Variants in NCAM1 observed in about 807,000 individuals in gnomAD.
NCAM1 encodes antigen recognized by monoclonal antibody 5.1H11.
NCAM1 carries 14 observed loss-of-function variants against 109.8 expected under a neutral mutation model. The observed-to-expected ratio is 0.13, with a 90% CI of 0.08 to 0.20. NCAM1 has a LOEUF of 0.20. Among genes scored for constraint, NCAM1 ranks in the 10% least tolerant of loss-of-function variants. NCAM1 has a pLI of 1.00. For missense variants in NCAM1, 774 were observed against 1,109.9 expected, an observed-to-expected ratio of 0.70 and a Z score of 4.30; for synonymous variants, 418 against 442.9, an observed-to-expected ratio of 0.94 and a Z score of 0.70.
intron 1 of NCAM1, among the ~76,000 whole-genome samples, chr11:113,090,039 T>C (rs1714767822): frequency 6.6e-6 from 1 of 152,246 alleles, no homozygotes; most frequent in Admixed American, 6.5e-5. Context: ...TTGTAGGATT[T>C]TGTGTGCATT....
At chr11:113,085,511 T>C (rs1231285353) in intron 1 of NCAM1, among the ~76,000 whole-genome samples, 3 of 151,620 alleles carry the variant, frequency 2.0e-5, no homozygotes, top group African/African-American at 7.2e-5. Context: ...ACTTTTCTCC[T>C]TATTTTTTCT....
At chr11:113,176,942 G>A (rs951708366) in intron 1 of NCAM1, among the ~76,000 whole-genome samples, 3 of 152,122 alleles carry the variant, frequency 2.0e-5, no homozygotes, top group African/African-American at 4.8e-5. Flanking sequence ...CATGCAGAAG[G>A]GCATATGAGA....
chr11:113,092,984 A>G (rs1939422083), intron 1 of NCAM1, among the ~76,000 whole-genome samples: 1 of 152,238 alleles, frequency 6.6e-6, no homozygotes, highest in South Asian at 2.1e-4. Flanking sequence ...AACTTGCAGA[A>G]AACAATTATG....
chr11:113,081,576 C>T (rs1938821438), intron 1 of NCAM1, among the ~76,000 whole-genome samples: 1 of 152,086 alleles, frequency 6.6e-6, no homozygotes, highest in Admixed American at 6.6e-5. Flanking sequence ...CTCTTGTCAC[C>T]CAGGCTGGAG....
At chr11:113,098,054 T>C (rs1015252745) in intron 1 of NCAM1, among the ~76,000 whole-genome samples, 2 of 152,218 alleles carry the variant, frequency 1.3e-5, no homozygotes, top group Non-Finnish European at 2.9e-5. Context: ...TGCATTGTCA[T>C]AAAATTCATG....
Position 113,075,442 on chromosome 11 carries a change from C to T in NCAM1, c.52+113778C>T, listed in dbSNP as rs541676252. Among the ~76,000 whole-genome samples the T allele has an allele frequency of 2.0e-5, 3 of 152,286 alleles. No individual in the cohort carries two copies. The South Asian group carries it at 6.2e-4, about 32-fold the overall frequency. On this transcript the variant is annotated intron_variant, in intron 1 of 19. Transcript: ENST00000316851. Reference sequence around the variant, plus strand: ...TTAGCATAAGGAAAGCTGCATATGGCATCTGGAAATGGTGTTTCTGTATCG... The same window carrying T: ...TTAGCATAAGGAAAGCTGCATATGGTATCTGGAAATGGTGTTTCTGTATCG...
chr11:113,196,006 T>C (rs948995407), intron 1 of NCAM1, among the ~76,000 whole-genome samples: 1 of 152,082 alleles, frequency 6.6e-6, no homozygotes, highest in African/African-American at 2.4e-5. Context: ...TTTGGTACTT[T>C]ATGTACATTA....
chr11:113,260,322 A>C lies in NCAM1; in HGVS notation c.2130A>C (p.Pro710=). ...CCTCGGCCCAGCCCACAGCCATCCC[A>C]GGTATGGCTGCCTCTGCTTTCTGTT... The part of the protein sequence containing the change: ...FRTSAQPTAI[P]ANGSPTSGLS... Residue 710 remains proline (P), a splice_region_variant and synonymous_variant, in exon 17 of 20, where the codon CCA becomes CCC. Transcript: ENST00000316851. 2 of 1,610,098 alleles carry C rather than the reference A, an allele frequency of 1.2e-6. No individual in the cohort carries two copies. The highest frequency in any genetic ancestry group is 2.2e-5 in the South Asian group (2 of 90,288).
At chr11:113,265,575 A>G (rs1363034435) in intron 17 of NCAM1, among the ~76,000 whole-genome samples, 1 of 152,204 alleles carries the variant, frequency 6.6e-6, no homozygotes, top group Non-Finnish European at 1.5e-5. Flanking sequence ...GAGCTTGTGG[A>G]GAGGGAATCT....
chr11:113,062,105 T>C (rs1300321781), intron 1 of NCAM1, among the ~76,000 whole-genome samples: 5 of 152,344 alleles, frequency 3.3e-5, no homozygotes, highest in South Asian at 4.1e-4. Context: ...TGGTTTTCTA[T>C]TGTGGTAAAA....
At chr11:113,222,772 G>A (rs1309874375) in intron 9 of NCAM1, among the ~76,000 whole-genome samples, 3 of 152,182 alleles carry the variant, frequency 2.0e-5, no homozygotes, top group Admixed American at 6.5e-5. Context: ...AATTATTATT[G>A]TAAGTGGAAG....
chr11:113,215,862 T>C (rs534661152), intron 8 of NCAM1, among the ~76,000 whole-genome samples: 29 of 152,368 alleles, frequency 1.9e-4, no homozygotes, highest in African/African-American at 7.0e-4. Context: ...ATGTGTGTTA[T>C]GTGGATTTAA....
At chr11:113,097,575 T>A (rs1555090669) in intron 1 of NCAM1, among the ~76,000 whole-genome samples, 1 of 150,588 alleles carries the variant, frequency 6.6e-6, no homozygotes, top group East Asian at 2.0e-4. Flanking sequence ...GTTAAATAGA[T>A]CAGTTGAAAT....
chr11:113,189,174 G>A (rs560493289), intron 1 of NCAM1, among the ~76,000 whole-genome samples: 178 of 152,096 alleles, frequency 1.2e-3, no homozygotes, highest in South Asian at 9.8e-3. Context: ...AGCCTCGGCC[G>A]GGCACGGTGG....
intron 1 of NCAM1, among the ~76,000 whole-genome samples, chr11:113,049,732 C>T (rs1433611492): frequency 6.6e-6 from 1 of 152,120 alleles, no homozygotes; most frequent in East Asian, 1.9e-4. Context: ...CAGAAGGCCC[C>T]CCAACCTTGT....
intron 1 of NCAM1, among the ~76,000 whole-genome samples, chr11:113,187,162 C>T (rs147701361): frequency 2.4e-3 from 372 of 152,286 alleles, no homozygotes; most frequent in Middle Eastern, 0.01. Context: ...AAGCCAAATT[C>T]GTGTTTGACT....
rs543218125 is a variant in NCAM1 at position 113,044,964 on chromosome 11, A to C, written c.52+83300A>C. Among the ~76,000 whole-genome samples, 35 of 152,046 alleles carry C rather than the reference A, an allele frequency of 2.3e-4. 1 individual carries two copies. The highest frequency in any genetic ancestry group is 2.9e-4 in the African/African-American group (12 of 41,514). On this transcript the variant is annotated intron_variant, in intron 1 of 19. Transcript: ENST00000316851. ...AGAGACGGGGTTTCACCGTGTTAGC[A>C]AGGATGGTCTTGATCTTCTGACCTC...
rs1555120235 is a variant in NCAM1 at position 113,246,382 on chromosome 11, T to C, written c.1828+12T>C. 1.4e-6 allele frequency: 1 copy of C among 740,282 alleles called. No homozygotes were observed. Among genetic ancestry groups the C allele is most frequent in the Non-Finnish European group, 2.5e-6 (1 of 404,628 alleles). The allele number at this position is 740,282 out of a possible 1,614,324, so 45.9% of individuals were successfully genotyped here. On this transcript the variant is annotated intron_variant, in intron 15 of 19. Transcript: ENST00000316851. The stretch of plus-strand genomic sequence containing the variant: ...CTGGTGAACAGAAGGTAAAACTCTT[T>C]GTTCTGATTAGTGAAATAAATCTGG...
At chr11:113,212,590 C>A (rs145300882) in intron 7 of NCAM1, among the ~76,000 whole-genome samples, 1,593 of 152,310 alleles carry the variant, frequency 0.01, 100 homozygotes, top group Admixed American at 0.097. Context: ...CTGGGATTGT[C>A]TCCAGACCTC....
Sources: allele counts gnomAD v4.1 joint callset (sites outside exome capture counted in the v4.1 genomes callset), GRCh38; gene constraint gnomAD v4.1.1; transcripts MANE v1.5; gene names NCBI Gene and HGNC (gene_info 2026-07-23, HGNC 2026-07-21).